Variants in CPSF1 observed in about 807,000 individuals in gnomAD.
CPSF1 encodes the protein cleavage and polyadenylation specific factor 1.
CPSF1 carries 106 observed loss-of-function variants against 175.8 expected under a neutral mutation model. The observed-to-expected ratio is 0.60, with a 90% CI of 0.52 to 0.71. The LOEUF (loss-of-function observed/expected upper bound fraction) is 0.71, where lower values mean the gene tolerates loss of function less well. CPSF1 is among the 30% of genes least tolerant of loss of function. The pLI, the probability that CPSF1 is intolerant of heterozygous loss-of-function variation, is 0.00. For synonymous variants in CPSF1, 1,024 were observed against 858.3 expected (o/e 1.19, Z -3.37); for missense variants, 1,734 against 2,022.9 (o/e 0.86, Z 2.74).
chr8:144,394,163 G>A lies in CPSF1; in HGVS notation c.3812-3C>T, dbSNP rs1820544226. On this transcript the variant is annotated splice_region_variant and splice_polypyrimidine_tract_variant and intron_variant, in intron 33 of 37. Coordinates refer to ENST00000616140, the MANE Select transcript of CPSF1 (RefSeq NM_013291.3). ...GAGGTTGCGGTCGCGGTCAGACACTGGGGAGCAGAGGCCCAGGGTCAGCCC... is the reference window on the plus strand; with the variant it reads ...GAGGTTGCGGTCGCGGTCAGACACTAGGGAGCAGAGGCCCAGGGTCAGCCC... 1 of 1,612,572 alleles carries A rather than the reference G, an allele frequency of 6.2e-7. No individual in the cohort carries two copies. Among genetic ancestry groups the A allele is most frequent in the Non-Finnish European group, 8.5e-7 (1 of 1,179,910 alleles).
intron 26 of CPSF1, 54 bp from the exon 27 acceptor site, chr8:144,395,605 A>G: frequency 6.9e-7 from 1 of 1,456,776 alleles, no homozygotes; most frequent in Non-Finnish European, 9.5e-7. Flanking sequence ...GGGCAGGGGC[A>G]GGCAGGCCCA....
chr8:144,404,228 AAAC>A (rs1821371888), intron 2 of CPSF1, among the ~76,000 whole-genome samples: 1 of 151,954 alleles, frequency 6.6e-6, no homozygotes, highest in Non-Finnish European at 1.5e-5. Context: ...GGTCTCAAAA[AAAC>A]AAACAAAAAA....
At chr8:144,394,612 C>CG in intron 31 of CPSF1, 32 bp downstream of exon 31, 1 of 1,601,706 alleles carries the variant, frequency 6.2e-7, no homozygotes, top group Non-Finnish European at 8.5e-7. Context: ...GAGGGTGAGC[C>CG]GGGGGACACA....
intron 26 of CPSF1, chr8:144,396,142 C>A (rs1199745684): frequency 1.7e-6 from 1 of 605,452 alleles, no homozygotes; most frequent in Admixed American, 3.0e-5. Context: ...CCAGGGGCTG[C>A]AGCCCCAGCT....
chr8:144,400,135 G>GGGGGGCCCCCCCCCCCCCCCC, intron 9 of CPSF1, 31 bp downstream of exon 9: 19 of 895,964 alleles, frequency 2.1e-5, no homozygotes, highest in Non-Finnish European at 2.9e-5. Flanking sequence ...CCGTCCCCGG[G>GGGGGGCCCCCCCCCCCCCCCC]CCCCCCCCGC....
rs782365951 is a variant in CPSF1 at position 144,397,491 on chromosome 8, A to G, written c.2381T>C (p.Met794Thr). The G allele has an allele frequency of 6.9e-6, 11 of 1,597,096 alleles. No individual in the cohort carries two copies. In the South Asian group the frequency reaches 1.1e-4, roughly 16 times the overall value. The change falls in exon 22 of 38, where the codon ATG (methionine) becomes ACG (threonine). Residue 794 changes from methionine to threonine, a missense_variant. By Grantham distance (81) the Met-to-Thr change is moderately conservative. This residue lies in a region of CPSF1 where 585 missense variants were observed against 584.7 expected (regional missense o/e 1.00). Coordinates refer to ENST00000616140, the MANE Select transcript of CPSF1 (RefSeq NM_013291.3). ...ACAGTGCAGGGCACCACCTACCTCC[A>G]TGGTGCCATTCTCCCGCACCAGCAG... ...WCLLVRENGT[M>T]EIYQLPDWRL...
chr8:144,395,728 T>C, intron 26 of CPSF1, 177 bp from the exon 27 acceptor site: 1 of 611,934 alleles, frequency 1.6e-6, no homozygotes, highest in African/African-American at 1.8e-5. Flanking sequence ...CCTCTGGGGC[T>C]CCTCCTGTCC....
Position 144,394,132 on chromosome 8 carries a change from C to T in CPSF1, c.3840G>A (p.Val1280=), listed in dbSNP as rs1264002934. Residue 1280 remains valine (V), a synonymous_variant, in exon 34 of 38, where the codon GTG becomes GTA. Coordinates refer to ENST00000616140, the MANE Select transcript of CPSF1 (RefSeq NM_013291.3). ...LVSDRDRNLM[V]YMYLPEAKES... ...ACTCACCTTCGGGCAGGTACATGTA[C>T]ACCATGAGGTTGCGGTCGCGGTCAG... is the stretch of plus-strand genomic sequence containing the variant. 1 of 1,612,832 alleles carries T rather than the reference C, an allele frequency of 6.2e-7. No individual in the cohort carries two copies. Among genetic ancestry groups the T allele is most frequent in the Non-Finnish European group, 8.5e-7 (1 of 1,179,938 alleles).
In CPSF1 at chr8:144,395,566, CAG is replaced by C. The variant is rs1820673345; in HGVS notation, c.2980-17_2980-16del. On this transcript the variant is annotated splice_polypyrimidine_tract_variant and intron_variant, in intron 26 of 37. Transcript: ENST00000616140. ...CTCAGCTCGCCCTGGGGTGGGGGCACAGGGGTCAGGGGATCCAGGGCTAGCCA... is the reference window on the plus strand; with the variant it reads ...CTCAGCTCGCCCTGGGGTGGGGGCACGGGTCAGGGGATCCAGGGCTAGCCA... 4.8e-6 allele frequency: 2 copies of C among 416,016 alleles called. No individual in the cohort carries two copies. Among genetic ancestry groups the C allele is most frequent in the Non-Finnish European group, 9.2e-6 (2 of 216,406 alleles). 25.8% of individuals were successfully genotyped at this position (416,016 alleles called of 1,614,324 possible).
Position 144,396,246 on chromosome 8 carries a change from G to T in CPSF1, c.2979+102C>A, listed in dbSNP as rs140759623. On this transcript the variant is annotated intron_variant, in intron 26 of 37. Coordinates refer to ENST00000616140, the MANE Select transcript of CPSF1 (RefSeq NM_013291.3). ...ATCGCCCTCTGGACACTCCTTCCTG[G>T]TCCTCAGGGTGGAGCCAATGGTCCC... 1,546 of 1,226,762 alleles carry T rather than the reference G, an allele frequency of 1.3e-3. 10 individuals are homozygous for T. In the African/African-American group the frequency reaches 0.015, roughly 12 times the overall value. The allele number at this position is 1,226,762 out of a possible 1,614,324, so 76.0% of individuals were successfully genotyped here.
Position 144,400,760 on chromosome 8 carries a change from C to T in CPSF1, c.597G>A (p.Lys199=), listed in dbSNP as rs2130774315. The T allele has an allele frequency of 6.2e-7, 1 of 1,613,896 alleles. No homozygotes were observed. Among genetic ancestry groups the T allele is most frequent in the African/African-American group, 1.3e-5 (1 of 75,046 alleles). Reference sequence around the variant, plus strand: ...ACTGCAGGTCGATGATGTTGAGCAGCTTCTCGTCTAGGGCCCGCACGTCGA... The same window carrying T: ...ACTGCAGGTCGATGATGTTGAGCAGTTTCTCGTCTAGGGCCCGCACGTCGA... ...YIIDVRALDE[K]LLNIIDLQFL... The change falls in exon 7 of 38, where the codon AAG becomes AAA. Residue 199 remains lysine, a synonymous_variant. Transcript: ENST00000616140.
At chr8:144,407,526 A>T (rs1358335262) in intron 2 of CPSF1, among the ~76,000 whole-genome samples, 3 of 152,030 alleles carry the variant, frequency 2.0e-5, no homozygotes, top group African/African-American at 7.3e-5. Context: ...TATTAAAAAT[A>T]CAAAAAAAAA....
intron 23 of CPSF1, 42 bp downstream of exon 23, chr8:144,397,165 A>AG (rs1168823871): frequency 1.3e-6 from 2 of 1,492,638 alleles, no homozygotes; most frequent in African/African-American, 1.4e-5. Context: ...GGGCAGGGCC[A>AG]GGGGGAAGAT....
rs2116855406 is a variant in CPSF1, at chr8:144,398,826, C to T, written c.1591G>A (p.Gly531Ser). ...ATGACTGTCCACATGTCATAGCAGC[C>T]GGGAAGCTCAAAGGTTGTCACCACC... ...PQVVTTFELP[G>S]CYDMWTVIAP... Residue 531 changes from glycine to serine, a missense_variant, in exon 17 of 38, where the codon GGC becomes AGC. By Grantham distance (56) the Gly-to-Ser change is moderately conservative. This residue lies in a region of CPSF1 where 280 missense variants were observed against 349.2 expected (regional missense o/e 0.80). Transcript: ENST00000616140. 5 of 1,608,956 alleles carry T rather than the reference C, an allele frequency of 3.1e-6. No individual in the cohort carries two copies. The highest frequency in any genetic ancestry group is 2.2e-5 in the South Asian group (2 of 90,702).
Position 144,397,239 on chromosome 8 carries a change from G to A in CPSF1, c.2560C>T (p.Leu854=). ...PLVKEVLLVA[L]GSRQSRPYLL... ...TAGGGCCTGCTCTGGCGGCTGCCCA[G>A]CGCCACCAGCAGCACCTCCTTGACG... is the stretch of plus-strand genomic sequence containing the variant. The change falls in exon 23 of 38, where the codon CTG becomes TTG. Residue 854 remains leucine (L), a synonymous_variant. Transcript: ENST00000616140. 1.5e-5 allele frequency: 23 copies of A among 1,549,174 alleles called. No homozygotes were observed. Among genetic ancestry groups the A allele is most frequent in the Non-Finnish European group, 2.0e-5 (23 of 1,147,282 alleles).
In CPSF1 at chr8:144,397,216, G is replaced by C. The variant is rs1330087206; in HGVS notation, c.2583C>G (p.Pro861=). 3.2e-6 allele frequency: 5 copies of C among 1,542,706 alleles called. No individual in the cohort carries two copies. In the African/African-American group the frequency reaches 5.5e-5, roughly 17 times the overall value. Residue 861 remains proline (P), a synonymous_variant, in exon 23 of 38, where the codon CCC becomes CCG. Coordinates refer to ENST00000616140, the MANE Select transcript of CPSF1 (RefSeq NM_013291.3). The part of the protein sequence containing the change: ...LVALGSRQSR[P]YLLVHVDQEL... Reference sequence around the variant, plus strand: ...GGCCAGGCGCACTCACCAGCAGGTAGGGCCTGCTCTGGCGGCTGCCCAGCG... The same window carrying C: ...GGCCAGGCGCACTCACCAGCAGGTACGGCCTGCTCTGGCGGCTGCCCAGCG...
Position 144,400,144 on chromosome 8 carries a change from G to GC in CPSF1, c.937+21dup, listed in dbSNP as rs1194072613. ...CCCAAGCCGTCCCCGGGCCCCCCCC[G>GC]CCCCAGCCACCCCACACTCACGAAG... is the stretch of plus-strand genomic sequence containing the variant. On this transcript the variant is annotated intron_variant, in intron 9 of 37. Coordinates refer to ENST00000616140, the MANE Select transcript of CPSF1 (RefSeq NM_013291.3). 3.8e-4 allele frequency: 409 copies of GC among 1,070,448 alleles called. 20 individuals carry two copies. The highest frequency in any genetic ancestry group is 2.8e-3 in the African/African-American group (120 of 43,222). 66.3% of individuals were successfully genotyped at this position (1,070,448 alleles called of 1,614,324 possible).
chr8:144,408,826 G>GT lies in CPSF1; in HGVS notation c.144+188_144+189insA, dbSNP rs1400552743. On this transcript the variant is annotated intron_variant, in intron 2 of 37. Transcript: ENST00000616140. ...TCCCGGTGGGGTAGGAAGGGAGGCA[G>GT]AACAGGGTAGCAGCTGTGAGAAAGG... Among the ~76,000 whole-genome samples the GT allele has an allele frequency of 2.0e-5, 3 of 152,246 alleles. No individual in the cohort carries two copies. In the East Asian group the frequency reaches 5.8e-4, roughly 29 times the overall value.
At chr8:144,395,207 A>T in intron 28 of CPSF1, 25 bp from the exon 29 acceptor site, 1 of 1,612,682 alleles carries the variant, frequency 6.2e-7, no homozygotes, top group South Asian at 1.1e-5. Context: ...GGTGACAGTC[A>T]GAGTAGGGCT....
Sources: allele counts gnomAD v4.1 joint callset (sites outside exome capture counted in the v4.1 genomes callset), GRCh38; gene constraint gnomAD v4.1.1; regional missense constraint gnomAD v4.1.1; transcripts MANE v1.5; gene names NCBI Gene and HGNC (gene_info 2026-07-23, HGNC 2026-07-21).